Variants in FGF14 observed in about 807,000 individuals in gnomAD.
FGF14 encodes fibroblast growth factor 14.
A neutral mutation model predicts 25.5 loss-of-function variants in FGF14; 5 were observed. The observed-to-expected ratio is 0.20, with a 90% CI of 0.10 to 0.41. The LOEUF (loss-of-function observed/expected upper bound fraction) is 0.41. FGF14 is among the 10% of genes least tolerant of loss of function. The pLI is 1.00. For missense variants in FGF14, 222 were observed against 320.1 expected, an observed-to-expected ratio of 0.69 and a Z score of 2.34; for synonymous variants, 138 against 118.3, an observed-to-expected ratio of 1.17 and a Z score of -1.08.
Position 102,396,885 on chromosome 13 carries a change from C to T in FGF14, c.208+4586G>A, listed in dbSNP as rs181311276. Among the ~76,000 whole-genome samples, 631 of 152,318 alleles carry T rather than the reference C, an allele frequency of 4.1e-3. 3 individuals are homozygous for T. The highest frequency in any genetic ancestry group is 6.8e-3 in the Non-Finnish European group (464 of 68,024). ...CATGGAGTGGCACTGCTCTACAAAA[C>T]CCATTTTGTTACCTCAGTAAATAAG... On this transcript the variant is annotated intron_variant, in intron 1 of 4. Transcript: ENST00000376131.
At chr13:102,179,056 G>A (rs2048563784) in intron 1 of FGF14, among the ~76,000 whole-genome samples, 1 of 152,096 alleles carries the variant, frequency 6.6e-6, no homozygotes, top group African/African-American at 2.4e-5. Flanking sequence ...GTAATGTCAA[G>A]TGTCGTCTGC....
intron 1 of FGF14, among the ~76,000 whole-genome samples, chr13:102,260,190 C>T (rs2052653727): frequency 1.3e-5 from 2 of 152,144 alleles, no homozygotes. Context: ...TTCCTTGGGT[C>T]ACAGTTGAAA....
intron 1 of FGF14, among the ~76,000 whole-genome samples, chr13:101,888,692 A>C (rs2046117413): frequency 6.6e-6 from 1 of 152,202 alleles, no homozygotes; most frequent in South Asian, 2.1e-4. Context: ...CATGCAGTTA[A>C]ATAAATGAGC....
intron 1 of FGF14, among the ~76,000 whole-genome samples, chr13:102,026,337 G>T (rs964785687): frequency 3.3e-5 from 5 of 151,586 alleles, no homozygotes; most frequent in Admixed American, 1.3e-4. Context: ...GCTAGATTAA[G>T]ATTTTTATAT....
intron 3 of FGF14, chr13:101,802,032 T>C: frequency 2.4e-6 from 1 of 409,544 alleles, no homozygotes; most frequent in Non-Finnish European, 4.7e-6. Flanking sequence ...TGAAAGACAG[T>C]GTCTAGGAAA....
At chr13:101,812,984 T>C (rs2041655208) in intron 3 of FGF14, among the ~76,000 whole-genome samples, 1 of 152,098 alleles carries the variant, frequency 6.6e-6, no homozygotes, top group African/African-American at 2.4e-5. Context: ...TCTTTCAATA[T>C]AATTGCTTTC....
At chr13:101,789,285 C>T (rs548799488) in intron 3 of FGF14, among the ~76,000 whole-genome samples, 11 of 152,024 alleles carry the variant, frequency 7.2e-5, no homozygotes, top group Non-Finnish European at 1.5e-4. Context: ...TGTCTCCAGG[C>T]TTGTGATTCT....
At chr13:102,038,609 T>A (rs2041585801) in intron 1 of FGF14, among the ~76,000 whole-genome samples, 1 of 152,160 alleles carries the variant, frequency 6.6e-6, no homozygotes. Flanking sequence ...AAGAAATTCT[T>A]AATTTTTTTA....
At chr13:102,351,676 C>T (rs754139136) in intron 1 of FGF14, among the ~76,000 whole-genome samples, 6 of 152,222 alleles carry the variant, frequency 3.9e-5, no homozygotes, top group Non-Finnish European at 8.8e-5. Flanking sequence ...GGCGTCTTCA[C>T]ATGGCATTTG....
At chr13:101,778,842 A>G (rs1333640075) in intron 3 of FGF14, 2 of 146,878 alleles carry the variant, frequency 1.4e-5, no homozygotes, top group Admixed American at 7.0e-5. Flanking sequence ...GTCTGAAGCC[A>G]ATTGTTTTTG....
At chr13:102,082,729 C>A (rs895120318) in intron 1 of FGF14, among the ~76,000 whole-genome samples, 2 of 151,854 alleles carry the variant, frequency 1.3e-5, no homozygotes, top group Admixed American at 6.6e-5. Context: ...CCGAGGCGGG[C>A]GGATCACGAG....
intron 1 of FGF14, among the ~76,000 whole-genome samples, chr13:102,231,938 T>C (rs2051103809): frequency 6.6e-6 from 1 of 152,220 alleles, no homozygotes. Context: ...AATTAACTGA[T>C]ACTATTATTA....
chr13:102,364,121 G>A (rs1022367860), intron 1 of FGF14, among the ~76,000 whole-genome samples: 3 of 152,230 alleles, frequency 2.0e-5, no homozygotes, highest in African/African-American at 7.2e-5. Flanking sequence ...GGAAGATGCC[G>A]TAAGTGCCAC....
rs990811895 is a variant in FGF14 at position 102,400,910 on chromosome 13, A to G, written c.208+561T>C. On this transcript the variant is annotated intron_variant, in intron 1 of 4. Transcript: ENST00000376131. The surrounding 1 kb of genome is among the most constrained non-coding windows in gnomAD (Gnocchi z 4.3). ...AGAGGCAGACAGGGGGAATGAGTTA[A>G]TGCTCGGGCACCCGGAGCTGGACGG... is the stretch of plus-strand genomic sequence containing the variant. Among the ~76,000 whole-genome samples the G allele has an allele frequency of 6.6e-5, 10 of 151,846 alleles. No homozygotes were observed. The highest frequency in any genetic ancestry group is 2.4e-4 in the African/African-American group (10 of 41,346).
intron 1 of FGF14, among the ~76,000 whole-genome samples, chr13:101,958,077 G>T (rs2036617860): frequency 6.6e-6 from 1 of 152,192 alleles, no homozygotes; most frequent in East Asian, 1.9e-4. Flanking sequence ...GTTAACATCT[G>T]TAAACAACTT....
chr13:101,916,399 T>G, intron 1 of FGF14, 54 bp downstream of exon 1: 1 of 1,601,090 alleles, frequency 6.2e-7, no homozygotes, highest in Non-Finnish European at 8.6e-7. Context: ...AAGCTCCGTT[T>G]AGGCGGGGAG....
At chr13:101,730,917 TG>T (rs767233067) in intron 3 of FGF14, among the ~76,000 whole-genome samples, 1 of 152,226 alleles carries the variant, frequency 6.6e-6, no homozygotes, top group Non-Finnish European at 1.5e-5. Flanking sequence ...GTCCCTCACA[TG>T]GTTCTCCTGT....
intron 1 of FGF14, among the ~76,000 whole-genome samples, chr13:102,059,648 C>T (rs2042588432): frequency 1.3e-5 from 2 of 151,984 alleles, no homozygotes; most frequent in South Asian, 2.1e-4. Flanking sequence ...GTCAGAAGTT[C>T]GAAACCGGCA....
intron 3 of FGF14, among the ~76,000 whole-genome samples, chr13:101,812,647 A>ATTTTTTTTTTTTTTTTT: frequency 1.1e-4 from 1 of 9,072 alleles, no homozygotes; most frequent in Admixed American, 2.1e-3. Context: ...ATATATATAT[A>ATTTTTTTTTTTTTTTTT]TATATATTTT....
Sources: allele counts gnomAD v4.1 joint callset (sites outside exome capture counted in the v4.1 genomes callset), GRCh38; gene constraint gnomAD v4.1.1; non-coding constraint Gnocchi (gnomAD v3.1); transcripts MANE v1.5; gene names NCBI Gene and HGNC (gene_info 2026-07-23, HGNC 2026-07-21).